The following GRID2 variants were observed in gnomAD, a reference collection of about 807,000 sequenced individuals.
GRID2 encodes glutamate receptor ionotropic, delta-2.
GRID2 carries 33 observed loss-of-function variants against 114.8 expected under a neutral mutation model. That is an observed-to-expected ratio of 0.29 (90% CI 0.22 to 0.38). GRID2 has a LOEUF of 0.38. Among genes scored for constraint, GRID2 ranks in the 10% least tolerant of loss-of-function variants. The pLI is 1.00. For missense variants in GRID2, 1,184 were observed against 1,257.7 expected, an observed-to-expected ratio of 0.94 and a Z score of 0.89; for synonymous variants, 505 against 449.9, an observed-to-expected ratio of 1.12 and a Z score of -1.55.
intron 14 of GRID2, among the ~76,000 whole-genome samples, chr4:93,674,855 T>G (rs1724715404): frequency 6.6e-6 from 1 of 152,140 alleles, no homozygotes; most frequent in Non-Finnish European, 1.5e-5. Flanking sequence ...TGCTATATAA[T>G]GAAAGCTTTT....
chr4:92,748,952 GC>G (rs1321079446), intron 2 of GRID2, among the ~76,000 whole-genome samples: 1 of 151,670 alleles, frequency 6.6e-6, no homozygotes, highest in Non-Finnish European at 1.5e-5. Flanking sequence ...TGAACCACCA[GC>G]CACCTCACCC....
At chr4:92,471,481 C>A (rs779588772) in intron 1 of GRID2, among the ~76,000 whole-genome samples, 3 of 152,018 alleles carry the variant, frequency 2.0e-5, no homozygotes, top group Non-Finnish European at 4.4e-5. Context: ...ATTATGTTTT[C>A]TCCTATATCA....
intron 1 of GRID2, among the ~76,000 whole-genome samples, chr4:92,576,887 C>A (rs1727921169): frequency 6.6e-6 from 1 of 152,054 alleles, no homozygotes; most frequent in African/African-American, 2.4e-5. Flanking sequence ...CTGTTCTAGC[C>A]CCTCTTCTTT....
chr4:92,782,766 C>CT (rs1335073615), intron 2 of GRID2, among the ~76,000 whole-genome samples: 1 of 151,864 alleles, frequency 6.6e-6, no homozygotes, highest in Non-Finnish European at 1.5e-5. Context: ...AGTTGGTGTC[C>CT]TGGAGGGTCG....
chr4:93,079,360 A>T (rs1410724737), intron 2 of GRID2, among the ~76,000 whole-genome samples: 1 of 151,930 alleles, frequency 6.6e-6, no homozygotes, highest in Non-Finnish European at 1.5e-5. Flanking sequence ...AAAATTTTTT[A>T]AAAGAGAATA....
intron 11 of GRID2, among the ~76,000 whole-genome samples, chr4:93,473,803 G>A (rs544189780): frequency 1.3e-5 from 2 of 152,182 alleles, no homozygotes; most frequent in East Asian, 3.9e-4. Flanking sequence ...ATAGCAGCTT[G>A]AATTTTCAAA....
chr4:93,790,562 T>TG (rs892381260), intron 1 of GRID2, among the ~76,000 whole-genome samples: 13 of 151,862 alleles, frequency 8.6e-5, no homozygotes, highest in East Asian at 7.7e-4. Context: ...TTTTTTTTTT[T>TG]TGTGAGACAG....
At chr4:93,389,063 A>G (rs1044623631) in intron 8 of GRID2, among the ~76,000 whole-genome samples, 1 of 152,194 alleles carries the variant, frequency 6.6e-6, no homozygotes. Flanking sequence ...TAACCTTGTC[A>G]GTTTCATAAA....
rs989892937 is a variant in GRID2, at chr4:92,714,082, A to G, written c.244+123796A>G. 3.9e-5 allele frequency among the ~76,000 whole-genome samples: 6 copies of G among 152,190 alleles called. No individual in the cohort carries two copies. In the South Asian group the frequency reaches 1.2e-3, roughly 32 times the overall value. ...CTTCCACCTATCAGCCTGTAATATC[A>G]AAAGTAAATTAGTTACTTCCTAGAT... On this transcript the variant is annotated intron_variant, in intron 2 of 15. Transcript: ENST00000282020.
exon 2 of GRID2, chr4:93,809,774 A>G (rs1374538703): frequency 1.3e-5 from 2 of 152,226 alleles, no homozygotes; most frequent in Non-Finnish European, 2.9e-5. Flanking sequence ...AGAAATTCCA[A>G]GACTTTTTCC....
intron 1 of GRID2, among the ~76,000 whole-genome samples, chr4:92,363,939 C>T (rs1481426291): frequency 6.7e-6 from 1 of 149,602 alleles, no homozygotes; most frequent in East Asian, 2.0e-4. Context: ...TGTGTCTCAA[C>T]TCCCCAGGTA....
chr4:93,187,038 A>G (rs184635687), intron 4 of GRID2, among the ~76,000 whole-genome samples: 3 of 152,178 alleles, frequency 2.0e-5, no homozygotes, highest in Non-Finnish European at 4.4e-5. Flanking sequence ...GGTGATAATC[A>G]GCTTCCTCAC....
intron 11 of GRID2, among the ~76,000 whole-genome samples, chr4:93,459,109 G>A (rs1446803574): frequency 6.8e-6 from 1 of 147,440 alleles, no homozygotes; most frequent in Non-Finnish European, 1.5e-5. Context: ...GAACCCAGGA[G>A]CGGGAGGTTG....
chr4:93,477,992 CT>C (rs1372652846), intron 11 of GRID2, among the ~76,000 whole-genome samples: 1 of 152,058 alleles, frequency 6.6e-6, no homozygotes, highest in Non-Finnish European at 1.5e-5. Context: ...CAATGCAGCA[CT>C]TACCTCAGTA....
intron 2 of GRID2, among the ~76,000 whole-genome samples, chr4:92,915,873 C>T (rs1357275331): frequency 2.0e-5 from 3 of 151,914 alleles, no homozygotes; most frequent in African/African-American, 2.4e-5. Flanking sequence ...TCTTATGAAA[C>T]GTATCTGTTT....
intron 14 of GRID2, among the ~76,000 whole-genome samples, chr4:93,706,061 C>T (rs557278426): frequency 8.5e-5 from 13 of 152,116 alleles, no homozygotes; most frequent in East Asian, 1.9e-4. Context: ...ATGCCAGTAC[C>T]GTGTTGTTTT....
intron 2 of GRID2, among the ~76,000 whole-genome samples, chr4:92,690,947 G>T (rs17019760): frequency 0.077 from 11,660 of 152,072 alleles, 473 homozygotes; most frequent in East Asian, 0.087. Flanking sequence ...ATAGTTGGAA[G>T]GAGAGTTAGT....
At chr4:93,022,466 G>A (rs1206540181) in intron 2 of GRID2, among the ~76,000 whole-genome samples, 1 of 151,670 alleles carries the variant, frequency 6.6e-6, no homozygotes, top group Admixed American at 6.6e-5. Flanking sequence ...TTGCAAGCTC[G>A]CTATTATGAA....
At chr4:92,904,123 G>T (rs1747778940) in intron 2 of GRID2, among the ~76,000 whole-genome samples, 1 of 151,346 alleles carries the variant, frequency 6.6e-6, no homozygotes. Flanking sequence ...TTTAAATTTG[G>T]TTCTAGAATA....
Sources: allele counts gnomAD v4.1 joint callset (sites outside exome capture counted in the v4.1 genomes callset), GRCh38; gene constraint gnomAD v4.1.1; transcripts MANE v1.5; gene names NCBI Gene and HGNC (gene_info 2026-07-23, HGNC 2026-07-21).